The following ANKFN1 variants were observed in gnomAD, a reference collection of about 807,000 sequenced individuals.
ANKFN1 encodes the protein ankyrin repeat and fibronectin type-III domain-containing protein 1.
Under a neutral mutation model 108.7 loss-of-function variants are expected in ANKFN1, and 74 were observed. That is an observed-to-expected ratio of 0.68 (90% CI 0.56 to 0.83). ANKFN1 has a LOEUF of 0.83. Ranked by LOEUF, ANKFN1 falls within the 40% of genes least tolerant of loss-of-function variation. The pLI is 0.00. For synonymous variants in ANKFN1, 547 were observed against 516.2 expected, an observed-to-expected ratio of 1.06 and a Z score of -0.81; for missense variants, 1,505 against 1,382.3, an observed-to-expected ratio of 1.09 and a Z score of -1.41.
At chr17:56,370,526 A>G (rs2046781314) in intron 6 of ANKFN1, among the ~76,000 whole-genome samples, 1 of 152,200 alleles carries the variant, frequency 6.6e-6, no homozygotes, top group African/African-American at 2.4e-5. Flanking sequence ...TGCAATTCAA[A>G]CATCAGGCAT....
intron 3 of ANKFN1, chr17:56,254,197 G>GC (rs1298952353): frequency 1.3e-5 from 2 of 152,172 alleles, no homozygotes; most frequent in African/African-American, 4.8e-5. Context: ...CTGAACCACT[G>GC]CCCCATTCTC....
chr17:56,087,660 G>T (rs1319465603), intron 4 of ANKFN1, among the ~76,000 whole-genome samples: 1 of 151,294 alleles, frequency 6.6e-6, no homozygotes, highest in Non-Finnish European at 1.5e-5. Context: ...GGTTAACATT[G>T]TGATGGACGT....
At chr17:56,490,901 C>T (rs1215071296) in intron 18 of ANKFN1, among the ~76,000 whole-genome samples, 2 of 150,560 alleles carry the variant, frequency 1.3e-5, no homozygotes, top group Admixed American at 6.7e-5. Flanking sequence ...ACAGAGCACA[C>T]TGCCCTGGCA....
chr17:56,119,073 G>T (rs965006729), intron 4 of ANKFN1, among the ~76,000 whole-genome samples: 7 of 151,948 alleles, frequency 4.6e-5, no homozygotes, highest in African/African-American at 1.2e-4. Flanking sequence ...TGATCTTTAG[G>T]GATCTGTGAG....
intron 3 of ANKFN1, among the ~76,000 whole-genome samples, chr17:56,302,919 TA>T (rs1219883129): frequency 1.6e-4 from 25 of 152,238 alleles, no homozygotes; most frequent in Non-Finnish European, 4.4e-5. Context: ...TAAAGTCCAT[TA>T]AATAGTTTGA....
At chr17:56,238,696 A>T (rs1917349224) in intron 3 of ANKFN1, among the ~76,000 whole-genome samples, 1 of 152,114 alleles carries the variant, frequency 6.6e-6, no homozygotes, top group Admixed American at 6.6e-5. Flanking sequence ...GATGGGTCTC[A>T]TGAAGACAGC....
At position 56,354,062 on chromosome 17, in the gene ANKFN1, A is replaced by T; in HGVS notation, c.601+16A>T. 6.2e-7 allele frequency: 1 copy of T among 1,611,618 alleles called. No individual in the cohort carries two copies. Among genetic ancestry groups the T allele is most frequent in the Admixed American group, 1.7e-5 (1 of 59,734 alleles). ...AGTCCACACTGTAAGTAACCTGAGA[A>T]TAAACACATGTACTATTAAAGCCAG... is the stretch of plus-strand genomic sequence containing the variant. On this transcript the variant is annotated intron_variant, in intron 6 of 20. Transcript: ENST00000682825.
At chr17:56,462,868 G>A (rs899477268) in intron 14 of ANKFN1, among the ~76,000 whole-genome samples, 3 of 152,104 alleles carry the variant, frequency 2.0e-5, no homozygotes, top group Non-Finnish European at 4.4e-5. Context: ...TCTGACCAAG[G>A]CATTCTCTGA....
intron 4 of ANKFN1, among the ~76,000 whole-genome samples, chr17:56,147,931 T>C (rs1436002977): frequency 1.3e-5 from 2 of 152,196 alleles, no homozygotes; most frequent in African/African-American, 2.4e-5. Flanking sequence ...TGCTGGATCC[T>C]TCTTCTCTGC....
At chr17:56,046,490 G>A (rs1278373294) in intron 4 of ANKFN1, among the ~76,000 whole-genome samples, 2 of 151,980 alleles carry the variant, frequency 1.3e-5, no homozygotes, top group East Asian at 1.9e-4. Context: ...GTGCCCACAC[G>A]CACTTGCATT....
At chr17:56,390,910 C>T (rs939624243) in intron 8 of ANKFN1, among the ~76,000 whole-genome samples, 4 of 152,006 alleles carry the variant, frequency 2.6e-5, no homozygotes, top group Non-Finnish European at 1.5e-5. Context: ...ATGCCCTCCA[C>T]CTTTTCTTCG....
chr17:56,054,694 T>C (rs1904835749), intron 4 of ANKFN1, among the ~76,000 whole-genome samples: 1 of 152,030 alleles, frequency 6.6e-6, no homozygotes, highest in Non-Finnish European at 1.5e-5. Flanking sequence ...GGTGGATCAC[T>C]TGAGTCTAGG....
intron 3 of ANKFN1, among the ~76,000 whole-genome samples, chr17:56,251,147 T>C (rs1305161740): frequency 1.3e-5 from 2 of 152,180 alleles, no homozygotes; most frequent in East Asian, 3.8e-4. Context: ...ACCCAGCACT[T>C]TGGGAGGCCA....
chr17:56,189,092 A>G (rs1014633017), intron 1 of ANKFN1, among the ~76,000 whole-genome samples: 1 of 151,008 alleles, frequency 6.6e-6, no homozygotes, highest in Admixed American at 6.6e-5. Context: ...GGCCCTTTGC[A>G]TCTCTTCCAT....
intron 4 of ANKFN1, among the ~76,000 whole-genome samples, chr17:56,114,915 G>A (rs531772441): frequency 3.3e-5 from 5 of 152,322 alleles, no homozygotes; most frequent in African/African-American, 1.2e-4. Context: ...GAAGATGGAG[G>A]AAGGGGCCAT....
intron 7 of ANKFN1, among the ~76,000 whole-genome samples, chr17:56,374,220 C>G (rs540363881): frequency 6.6e-6 from 1 of 152,252 alleles, no homozygotes; most frequent in Admixed American, 6.5e-5. Context: ...CCAAGGAGGG[C>G]TGCAAAAAGC....
At chr17:56,234,211 A>G (rs1281523802) in intron 3 of ANKFN1, among the ~76,000 whole-genome samples, 8 of 152,190 alleles carry the variant, frequency 5.3e-5, no homozygotes, top group Non-Finnish European at 1.2e-4. Context: ...GAAGATGTGC[A>G]GTAACACACC....
At chr17:56,182,328 A>G (rs193110876) in intron 1 of ANKFN1, among the ~76,000 whole-genome samples, 1 of 152,330 alleles carries the variant, frequency 6.6e-6, no homozygotes, top group East Asian at 1.9e-4. Context: ...TTGTAAATTC[A>G]AAGGGAAAAT....
intron 3 of ANKFN1, among the ~76,000 whole-genome samples, chr17:56,310,292 C>T (rs1287052818): frequency 6.6e-6 from 1 of 152,168 alleles, no homozygotes; most frequent in Admixed American, 6.5e-5. Flanking sequence ...AAAGCAAAAG[C>T]ACAAATTAGG....
Sources: gnomAD v4.1 joint callset for allele counts (sites outside exome capture counted in the v4.1 genomes callset) on GRCh38, gnomAD v4.1.1 for gene constraint, MANE v1.5 for transcripts, NCBI Gene and HGNC (gene_info 2026-07-23, HGNC 2026-07-21) for gene names.